Variants in ATAD2B observed in about 807,000 individuals in gnomAD.
ATAD2B encodes ATPase family AAA domain-containing protein 2B.
A neutral mutation model predicts 167.6 loss-of-function variants in ATAD2B; 40 were observed. That is an observed-to-expected ratio of 0.24 (90% CI 0.19 to 0.31). The LOEUF is 0.31. Ranked by LOEUF, ATAD2B falls within the 10% of genes least tolerant of loss-of-function variation. The pLI is 1.00. For missense variants in ATAD2B, 1,242 were observed against 1,757.2 expected, an observed-to-expected ratio of 0.71 and a Z score of 5.24; for synonymous variants, 579 against 596.5, an observed-to-expected ratio of 0.97 and a Z score of 0.43.
intron 1 of ATAD2B, among the ~76,000 whole-genome samples, chr2:23,907,092 A>C (rs1701616227): frequency 2.0e-5 from 3 of 151,620 alleles, no homozygotes; most frequent in South Asian, 4.2e-4. Context: ...ACTCCTATTC[A>C]ACATAGTGTT....
intron 23 of ATAD2B, among the ~76,000 whole-genome samples, chr2:23,763,510 C>A (rs1311918452): frequency 6.6e-6 from 1 of 152,170 alleles, no homozygotes; most frequent in East Asian, 1.9e-4. Flanking sequence ...TATAGACTTG[C>A]CTTTTCTGGA....
chr2:23,926,473 C>T (rs2150754238), intron 1 of ATAD2B, 82 bp downstream of exon 1: 2 of 1,492,878 alleles, frequency 1.3e-6, no homozygotes, highest in East Asian at 5.0e-5. Flanking sequence ...TGTAGGCTTC[C>T]TACCCCCAAC....
At position 23,751,957 on chromosome 2, in the gene ATAD2B, C is replaced by T; in HGVS notation, c.*89G>A. 9.8e-7 allele frequency: 1 copy of T among 1,025,030 alleles called. No individual in the cohort carries two copies. 63.5% of individuals were successfully genotyped at this position (1,025,030 alleles called of 1,614,324 possible). A position where few individuals can be genotyped will look rare whatever the true frequency, so the allele number is the denominator to read the frequency against. ...GAGCACTTTACACCAAGGCTCTGCA[C>T]ATAATTGGTGCAATTTGAAATTGAA... On this transcript the variant is annotated 3_prime_UTR_variant, in exon 28 of 28. Coordinates refer to ENST00000238789, the MANE Select transcript of ATAD2B (RefSeq NM_017552.4).
intron 10 of ATAD2B, chr2:23,865,773 G>C (rs1055256857): frequency 6.6e-6 from 1 of 151,220 alleles, no homozygotes; most frequent in African/African-American, 2.4e-5. Context: ...TTTCTTTATG[G>C]GACAATGATG....
At chr2:23,698,822 C>T in the ATAD2B span, among the ~76,000 whole-genome samples, 1 of 152,156 alleles carries the variant, frequency 6.6e-6, no homozygotes, top group Non-Finnish European at 1.5e-5. Flanking sequence ...CGGGAGGGCT[C>T]ATGGCTTGGC....
chr2:23,695,784 G>A, the ATAD2B span: 12 of 1,551,132 alleles, frequency 7.7e-6, no homozygotes, highest in Non-Finnish European at 9.6e-6. This position sits in a 1 kb window ranked among gnomAD's most constrained non-coding sequence, Gnocchi z 7.6. Flanking sequence ...CCCGCCAGGA[G>A]ATGCAGACGC....
chr2:23,803,146 T>C (rs997524631), intron 18 of ATAD2B, among the ~76,000 whole-genome samples: 3 of 152,208 alleles, frequency 2.0e-5, no homozygotes, highest in African/African-American at 7.2e-5. Context: ...TTTAAGAGTG[T>C]TAATACCAAA....
chr2:23,820,387 A>T (rs1687259305), intron 16 of ATAD2B, among the ~76,000 whole-genome samples: 1 of 152,186 alleles, frequency 6.6e-6, no homozygotes. Context: ...GTCAAAGCTA[A>T]TCTTAAAAAT....
At chr2:23,738,046 A>C in the ATAD2B span, among the ~76,000 whole-genome samples, 1 of 152,244 alleles carries the variant, frequency 6.6e-6, no homozygotes, top group East Asian at 1.9e-4. Context: ...ATATGGGACT[A>C]TGTGAAAAGA....
At chr2:23,904,835 T>G in intron 1 of ATAD2B, among the ~76,000 whole-genome samples, 1 of 152,168 alleles carries the variant, frequency 6.6e-6, no homozygotes. Flanking sequence ...AATTTCTTTT[T>G]CTTTCATTTA....
At position 23,749,459 on chromosome 2, in the gene ATAD2B, A is replaced by G. The variant is rs891915846; in HGVS notation, c.*2587T>C. ...CAGCAAAAATGAAAAACTTACAGAA[A>G]GGTAAACAAAATTGAGTCCACTTTT... is the stretch of plus-strand genomic sequence containing the variant. On this transcript the variant is annotated 3_prime_UTR_variant, in exon 28 of 28. Coordinates refer to ENST00000238789, the MANE Select transcript of ATAD2B (RefSeq NM_017552.4). 2.0e-5 allele frequency: 3 copies of G among 152,218 alleles called. No homozygotes were observed. The highest frequency in any genetic ancestry group is 2.0e-4 in the Admixed American group (3 of 15,268). The allele number at this position is 152,218 out of a possible 1,614,324, so 9.4% of individuals were successfully genotyped here. A position where few individuals can be genotyped will look rare whatever the true frequency, so the allele number is the denominator to read the frequency against.
intron 19 of ATAD2B, among the ~76,000 whole-genome samples, chr2:23,794,822 G>T (rs1174016918): frequency 1.3e-5 from 2 of 151,800 alleles, no homozygotes; most frequent in East Asian, 3.9e-4. Context: ...AACCATATAT[G>T]CATGAAATAT....
the ATAD2B span, among the ~76,000 whole-genome samples, chr2:23,681,381 C>T: frequency 6.6e-6 from 1 of 152,232 alleles, no homozygotes; most frequent in African/African-American, 2.4e-5. The surrounding 1 kb of genome is among the most constrained non-coding windows in gnomAD (Gnocchi z 4.2). Context: ...CCTTCCAGGT[C>T]TAGCTCCAGA....
chr2:23,906,761 T>C (rs1395902266), intron 1 of ATAD2B, among the ~76,000 whole-genome samples: 60 of 151,952 alleles, frequency 3.9e-4, no homozygotes, highest in African/African-American at 1.4e-3. Flanking sequence ...TCAAAAAGCT[T>C]ATCCACCATG....
chr2:23,800,129 C>T (rs932291919), intron 18 of ATAD2B: 20 of 151,216 alleles, frequency 1.3e-4, no homozygotes, highest in African/African-American at 3.6e-4. Flanking sequence ...GGCATGGTTA[C>T]GTGGAAGACA....
intron 22 of ATAD2B, among the ~76,000 whole-genome samples, chr2:23,777,241 G>A (rs139592234): frequency 6.8e-4 from 104 of 152,262 alleles, no homozygotes; most frequent in East Asian, 6.2e-3. Flanking sequence ...ATTAATTTCT[G>A]TTACATTTTG....
chr2:23,795,146 A>G (rs1445273943), intron 19 of ATAD2B, among the ~76,000 whole-genome samples: 2 of 152,210 alleles, frequency 1.3e-5, no homozygotes, highest in Non-Finnish European at 2.9e-5. Flanking sequence ...TTATTATGGA[A>G]GATATAGAAA....
intron 13 of ATAD2B, among the ~76,000 whole-genome samples, chr2:23,842,703 G>A (rs1260780899): frequency 6.6e-6 from 1 of 152,102 alleles, no homozygotes; most frequent in Non-Finnish European, 1.5e-5. Flanking sequence ...AAAAGGGCAA[G>A]AGCTAGTAAG....
the ATAD2B span, among the ~76,000 whole-genome samples, chr2:23,692,328 T>G: frequency 6.6e-6 from 1 of 152,214 alleles, no homozygotes; most frequent in African/African-American, 2.4e-5. Context: ...GTCCCTTGAG[T>G]ACCCAGATCT....
Sources: gnomAD v4.1 joint callset for allele counts (sites outside exome capture counted in the v4.1 genomes callset) on GRCh38, gnomAD v4.1.1 for gene constraint, Gnocchi (gnomAD v3.1) non-coding constraint, MANE v1.5 for transcripts, NCBI Gene and HGNC (gene_info 2026-07-23, HGNC 2026-07-21) for gene names.